CTNNAL1: variants seen among roughly 807,000 people sequenced by gnomAD.
CTNNAL1 encodes alpha-catulin.
In CTNNAL1, 69 loss-of-function variants were observed where a neutral mutation model predicts 93.6. The ratio of observed to expected loss-of-function variants is 0.74; its 90% confidence interval spans 0.61 to 0.90. The LOEUF (loss-of-function observed/expected upper bound fraction) is 0.90, where lower values mean the gene tolerates loss of function less well. CTNNAL1 is among the 40% of genes least tolerant of loss of function. The pLI, the probability that CTNNAL1 is intolerant of heterozygous loss-of-function variation, is 0.00. For missense variants in CTNNAL1, 836 were observed against 862.0 expected (o/e 0.97, Z 0.38); for synonymous variants, 286 against 305.4 (o/e 0.94, Z 0.66).
intron 9 of CTNNAL1, 96 bp from the exon 10 acceptor site, chr9:108,970,590 A>T (rs1464692660): frequency 3.7e-6 from 4 of 1,081,844 alleles, no homozygotes; most frequent in Non-Finnish European, 3.7e-6. Flanking sequence ...TTACAAATAA[A>T]ATTTCTTAAA....
intron 14 of CTNNAL1, among the ~76,000 whole-genome samples, chr9:108,948,560 G>C (rs1830471044): frequency 6.6e-6 from 1 of 151,808 alleles, no homozygotes; most frequent in African/African-American, 2.4e-5. Flanking sequence ...ATAATGTCTT[G>C]ACCGAAAGCC....
chr9:108,958,756 C>T (rs778885687), intron 11 of CTNNAL1, among the ~76,000 whole-genome samples: 15 of 151,024 alleles, frequency 9.9e-5, no homozygotes, highest in Non-Finnish European at 1.8e-4. Context: ...GACAGAGTCT[C>T]ACTCTGTCAC....
intron 6 of CTNNAL1, among the ~76,000 whole-genome samples, chr9:108,981,622 C>T (rs970677391): frequency 3.3e-5 from 5 of 152,154 alleles, no homozygotes; most frequent in African/African-American, 1.2e-4. Flanking sequence ...GACCTTCACA[C>T]AATTAGAAAT....
intron 10 of CTNNAL1, among the ~76,000 whole-genome samples, chr9:108,966,301 G>T (rs2132120428): frequency 6.6e-6 from 1 of 152,320 alleles, no homozygotes; most frequent in South Asian, 2.1e-4. Context: ...AAATAAATGT[G>T]TTGAATAAAT....
At chr9:109,008,148 C>CT (rs1827090254) in intron 1 of CTNNAL1, among the ~76,000 whole-genome samples, 2 of 131,038 alleles carry the variant, frequency 1.5e-5, no homozygotes, top group Non-Finnish European at 3.3e-5. Context: ...TCCAATCCAT[C>CT]TTTCTTTTTT....
intron 6 of CTNNAL1, among the ~76,000 whole-genome samples, chr9:108,979,902 G>T (rs748753233): frequency 1.5e-4 from 23 of 152,248 alleles, no homozygotes; most frequent in Non-Finnish European, 3.1e-4. Context: ...TGTGGAAGAT[G>T]TGGGGTGTGA....
At chr9:109,007,077 A>G (rs557738444) in intron 1 of CTNNAL1, among the ~76,000 whole-genome samples, 1 of 152,074 alleles carries the variant, frequency 6.6e-6, no homozygotes, top group African/African-American at 2.4e-5. Flanking sequence ...CAAACAAAAA[A>G]TTAGCCGGGC....
intron 8 of CTNNAL1, among the ~76,000 whole-genome samples, chr9:108,974,718 A>G (rs1831210608): frequency 6.6e-6 from 1 of 152,144 alleles, no homozygotes; most frequent in African/African-American, 2.4e-5. Flanking sequence ...GCCCAGCTAC[A>G]TGGGAGGATG....
intron 7 of CTNNAL1, chr9:108,977,464 A>G (rs1235667377): frequency 6.6e-6 from 1 of 152,540 alleles, no homozygotes; most frequent in East Asian, 1.9e-4. Context: ...TCTTTTTCTC[A>G]GAAAGGCTTT....
chr9:108,963,004 GAGGA>G (rs1830858446), intron 11 of CTNNAL1, among the ~76,000 whole-genome samples: 1 of 152,158 alleles, frequency 6.6e-6, no homozygotes, highest in Non-Finnish European at 1.5e-5. Context: ...TCAGATCTCA[GAGGA>G]AGGAAGAGAC....
intron 10 of CTNNAL1, among the ~76,000 whole-genome samples, chr9:108,967,395 T>C (rs534787084): frequency 4.0e-5 from 6 of 148,690 alleles, no homozygotes; most frequent in Non-Finnish European, 6.0e-5. Context: ...CACACACACA[T>C]GTATACAACT....
chr9:108,981,530 G>A (rs1241880882), intron 6 of CTNNAL1, among the ~76,000 whole-genome samples: 1 of 151,784 alleles, frequency 6.6e-6, no homozygotes, highest in African/African-American at 2.4e-5. Context: ...TAAAGGGCAG[G>A]TAGGGATTAA....
rs180957286 is a variant in CTNNAL1 at position 108,943,670 on chromosome 9, G to C, written c.2055+33C>G. The C allele has an allele frequency of 2.7e-5, 42 of 1,565,890 alleles. 1 individual carries two copies. In the Admixed American group the frequency reaches 6.0e-4, roughly 22 times the overall value. On this transcript the variant is annotated intron_variant, in intron 17 of 18. Coordinates refer to ENST00000325551, the MANE Select transcript of CTNNAL1 (RefSeq NM_003798.4). The stretch of plus-strand genomic sequence containing the variant: ...AAGGGGCTTTAACCAGATAAAGATA[G>C]ATGTGTGAAAGTTTTTCATATGTCT...
intron 3 of CTNNAL1, among the ~76,000 whole-genome samples, chr9:108,991,078 A>G (rs1402181212): frequency 6.6e-6 from 1 of 152,240 alleles, no homozygotes. Context: ...TTACTTGAAA[A>G]GGAAAAGGAA....
At chr9:108,967,651 G>C (rs1481181067) in intron 10 of CTNNAL1, among the ~76,000 whole-genome samples, 7 of 152,174 alleles carry the variant, frequency 4.6e-5, no homozygotes, top group Non-Finnish European at 7.3e-5. Flanking sequence ...TTTTAAGTTA[G>C]AGAGTCACTG....
chr9:108,969,974 A>G (rs1266287094), intron 10 of CTNNAL1, among the ~76,000 whole-genome samples: 2 of 152,096 alleles, frequency 1.3e-5, no homozygotes, highest in African/African-American at 2.4e-5. Context: ...CCTGGTCCCA[A>G]TTGAATCTTG....
chr9:109,011,986 G>C (rs1267670204), intron 1 of CTNNAL1, among the ~76,000 whole-genome samples: 1 of 152,230 alleles, frequency 6.6e-6, no homozygotes, highest in Non-Finnish European at 1.5e-5. Context: ...TGTTGTGCTA[G>C]TGGAGATAGG....
chr9:108,972,864 G>GGGGGGGGCCCAC, intron 8 of CTNNAL1, 31 bp from the exon 9 acceptor site: 1 of 142,590 alleles, frequency 7.0e-6, no homozygotes, highest in Non-Finnish European at 1.0e-5. Context: ...GGGGGGGTGG[G>GGGGGGGGCCCAC]AGGGTGGAGA....
intron 1 of CTNNAL1, among the ~76,000 whole-genome samples, chr9:109,007,143 G>T (rs151208769): frequency 6.6e-6 from 1 of 152,198 alleles, no homozygotes; most frequent in Non-Finnish European, 1.5e-5. Flanking sequence ...GCAGAGGTGG[G>T]GGAATTGCTT....
Sources: allele counts gnomAD v4.1 joint callset (sites outside exome capture counted in the v4.1 genomes callset), GRCh38; gene constraint gnomAD v4.1.1; transcripts MANE v1.5; gene names NCBI Gene and HGNC (gene_info 2026-07-23, HGNC 2026-07-21).